GCLC: variants seen among roughly 807,000 people sequenced by gnomAD.
GCLC encodes glutamate--cysteine ligase catalytic subunit.
A neutral mutation model predicts 81.5 loss-of-function variants in GCLC; 30 were observed. The ratio of observed to expected loss-of-function variants is 0.37; its 90% CI spans 0.28 to 0.50. The LOEUF (loss-of-function observed/expected upper bound fraction) is 0.50. Among genes scored for constraint, GCLC ranks in the 20% least tolerant of loss-of-function variants. The probability of loss-of-function intolerance (pLI) is 0.96; values close to 1 mark genes in which losing one functional copy is unlikely to be tolerated. For missense variants in GCLC, 556 were observed against 777.4 expected (o/e 0.72, Z 3.39); for synonymous variants, 262 against 273.3 (o/e 0.96, Z 0.41).
chr6:53,505,208 T>C, intron 12 of GCLC, 184 bp downstream of exon 12: 1 of 572,162 alleles, frequency 1.7e-6, no homozygotes, highest in Non-Finnish European at 3.1e-6. Flanking sequence ...TCATCTTGAA[T>C]GGAAAGCGTC....
Position 53,534,925 on chromosome 6 carries a change from C to T in GCLC, c.150+9571G>A, listed in dbSNP as rs1157367207. On this transcript the variant is annotated intron_variant, in intron 1 of 15. Transcript: ENST00000650454. ...ATTCAATGCAATCCCAATAAAAAAC[C>T]CCAGCAGGGTTTTTTTGTTTTAAGT... Among the ~76,000 whole-genome samples the T allele has an allele frequency of 2.0e-5, 3 of 152,192 alleles. No homozygotes were observed. The East Asian group carries it at 5.8e-4, about 29-fold the overall frequency.
intron 1 of GCLC, among the ~76,000 whole-genome samples, chr6:53,535,542 A>G (rs374573577): frequency 3.4e-4 from 52 of 152,126 alleles, no homozygotes; most frequent in African/African-American, 1.2e-3. Flanking sequence ...AAAAAAAGAG[A>G]ATGAAAACAG....
At chr6:53,540,942 C>T (rs1763343441) in intron 1 of GCLC, among the ~76,000 whole-genome samples, 2 of 152,176 alleles carry the variant, frequency 1.3e-5, no homozygotes, top group African/African-American at 4.8e-5. Flanking sequence ...TGGCCAGGCA[C>T]ACTGGCTCAT....
Position 53,507,518 on chromosome 6 carries a change from G to A in GCLC, c.1046C>T (p.Thr349Met), listed in dbSNP as rs1001961477. The A allele has an allele frequency of 7.5e-6, 12 of 1,609,182 alleles. 1 individual carries two copies. In the South Asian group the frequency reaches 1.1e-4, roughly 15 times the overall value. ...CTGTTCGTAGATCTCTTTATCTATC[G>A]TCAAGTCGATGTCATTATATTTCTC... Reference protein sequence around the residue: ...CGEKYNDIDLTIDKEIYEQLL... With the variant: ...CGEKYNDIDLMIDKEIYEQLL... The change falls in exon 9 of 16, where the codon ACG becomes ATG. Residue 349 changes from threonine to methionine, a missense_variant. Thr to Met is a moderately conservative substitution (Grantham distance 81). Coordinates refer to ENST00000650454, the MANE Select transcript of GCLC (RefSeq NM_001498.4).
chr6:53,531,767 C>T (rs1407394024), intron 1 of GCLC, among the ~76,000 whole-genome samples: 2 of 152,226 alleles, frequency 1.3e-5, no homozygotes, highest in Non-Finnish European at 2.9e-5. Context: ...TTTCCACCCT[C>T]AAGGGGTGCT....
chr6:53,508,846 CT>C, intron 7 of GCLC, 135 bp from the exon 8 acceptor site: 1 of 714,050 alleles, frequency 1.4e-6, no homozygotes, highest in African/African-American at 1.8e-5. Context: ...CTGTGCCTAT[CT>C]TACAGTGAAA....
chr6:53,509,313 A>C (rs1764687598), intron 6 of GCLC, 63 bp from the exon 7 acceptor site: 2 of 980,450 alleles, frequency 2.0e-6, no homozygotes. Flanking sequence ...CAAGCAGTGA[A>C]GTCAGAGAAG....
At chr6:53,536,850 A>G (rs1251578707) in intron 1 of GCLC, among the ~76,000 whole-genome samples, 1 of 152,222 alleles carries the variant, frequency 6.6e-6, no homozygotes, top group Non-Finnish European at 1.5e-5. Context: ...ATGGTAGGTC[A>G]CAGTAACTGA....
In GCLC at chr6:53,500,232, G is replaced by T. The variant is rs1311632380; in HGVS notation, c.1581+15C>A. 12 of 1,611,978 alleles carry T rather than the reference G, an allele frequency of 7.4e-6. No individual in the cohort carries two copies. In the East Asian group the frequency reaches 2.7e-4, roughly 36 times the overall value. On this transcript the variant is annotated intron_variant, in intron 14 of 15. Transcript: ENST00000650454. ...TGTGCACAGTGAGGGGTACTGTACA[G>T]GGCCACCCTCCTACCTTCCCATTGA...
In GCLC at chr6:53,545,029, T is replaced by G. The variant is rs1763429436; in HGVS notation, c.-384A>C. On this transcript the variant is annotated 5_prime_UTR_variant, in exon 1 of 16. Transcript: ENST00000650454. ...TTTGCCGGTCTGGTGCACTGGCTTC[T>G]TCCTACTTGTGACCAAAACCTGCGC... The G allele has an allele frequency of 6.1e-6, 1 of 163,060 alleles. No homozygotes were observed. The allele number at this position is 163,060 out of a possible 1,614,324, so 10.1% of individuals were successfully genotyped here.
chr6:53,541,978 C>T (rs1377976139), intron 1 of GCLC, among the ~76,000 whole-genome samples: 3 of 152,162 alleles, frequency 2.0e-5, no homozygotes, highest in Non-Finnish European at 4.4e-5. Flanking sequence ...AGCGATCCTT[C>T]TATCTCAGCC....
At chr6:53,511,793 G>C (rs1399757516) in intron 6 of GCLC, among the ~76,000 whole-genome samples, 1 of 150,586 alleles carries the variant, frequency 6.6e-6, no homozygotes, top group African/African-American at 2.4e-5. Context: ...GAAACTGATG[G>C]GGGTGGGGTT....
At chr6:53,532,136 A>T (rs1325432774) in intron 1 of GCLC, among the ~76,000 whole-genome samples, 1 of 152,244 alleles carries the variant, frequency 6.6e-6, no homozygotes, top group South Asian at 2.1e-4. Flanking sequence ...ATCTGCTATC[A>T]ATAGGAAGAT....
chr6:53,513,936 G>C, intron 6 of GCLC: 1 of 429,180 alleles, frequency 2.3e-6, no homozygotes, highest in Non-Finnish European at 4.2e-6. Context: ...AGAATATATT[G>C]CATTTTAAGT....
intron 12 of GCLC, chr6:53,500,831 G>A (rs888441978): frequency 1.7e-5 from 7 of 410,364 alleles, no homozygotes; most frequent in African/African-American, 8.1e-5. Flanking sequence ...AGTGTTGGGA[G>A]GGCAGGTGGC....
chr6:53,534,367 T>C (rs1175016859), intron 1 of GCLC, among the ~76,000 whole-genome samples: 1 of 151,418 alleles, frequency 6.6e-6, no homozygotes, highest in Non-Finnish European at 1.5e-5. Context: ...TTGGACAAAG[T>C]TTACAGACAA....
chr6:53,532,106 A>C (rs1230663881), intron 1 of GCLC, among the ~76,000 whole-genome samples: 4 of 152,246 alleles, frequency 2.6e-5, no homozygotes, highest in Admixed American at 2.6e-4. Context: ...ACGTGAGTGG[A>C]AATCTTTCTA....
At chr6:53,512,797 A>G (rs1438293625) in intron 6 of GCLC, among the ~76,000 whole-genome samples, 2 of 152,238 alleles carry the variant, frequency 1.3e-5, no homozygotes, top group Non-Finnish European at 2.9e-5. Context: ...CTTTGGAACC[A>G]TATCAGAGAA....
chr6:53,521,922 T>C (rs1763005448), intron 2 of GCLC, among the ~76,000 whole-genome samples: 1 of 152,070 alleles, frequency 6.6e-6, no homozygotes, highest in Non-Finnish European at 1.5e-5. Flanking sequence ...TGCAGTGAGC[T>C]GAGATCGTGC....
Sources: gnomAD v4.1 joint callset for allele counts (sites outside exome capture counted in the v4.1 genomes callset) on GRCh38, gnomAD v4.1.1 for gene constraint, MANE v1.5 for transcripts, NCBI Gene and HGNC (gene_info 2026-07-23, HGNC 2026-07-21) for gene names.